MDN1: variants seen among roughly 807,000 people sequenced by gnomAD.
The protein encoded by MDN1 is midasin AAA ATPase 1, also known as midasin.
In MDN1, 266 loss-of-function variants were observed where a neutral mutation model predicts 669.2. That is an observed-to-expected ratio of 0.40 (90% CI 0.36 to 0.44). The LOEUF (loss-of-function observed/expected upper bound fraction) is 0.44, where lower values mean the gene tolerates loss of function less well. MDN1 is among the 20% of genes least tolerant of loss of function. The pLI, the probability that MDN1 is intolerant of heterozygous loss-of-function variation, is 1.00. For missense variants in MDN1, 5,940 were observed against 6,754.0 expected, an observed-to-expected ratio of 0.88 and a Z score of 4.22; for synonymous variants, 2,385 against 2,457.1, an observed-to-expected ratio of 0.97 and a Z score of 0.87.
rs1432761892 is a variant in MDN1, at chr6:89,738,468, C to T, written c.4594-13G>A. 5.0e-6 allele frequency: 8 copies of T among 1,611,868 alleles called. No individual in the cohort carries two copies. The highest frequency in any genetic ancestry group is 2.2e-5 in the East Asian group (1 of 44,820). On this transcript the variant is annotated splice_polypyrimidine_tract_variant and intron_variant, in intron 32 of 101. Transcript: ENST00000369393. ...AGGCAGGAGACAGCTATAAGAAACA[C>T]AAAACTTCAATGTGAATTTTTAAAA...
intron 23 of MDN1, 74 bp from the exon 24 acceptor site, chr6:89,750,606 T>A: frequency 2.1e-6 from 3 of 1,409,894 alleles, no homozygotes; most frequent in Non-Finnish European, 2.9e-6. Context: ...AACTGAGTAT[T>A]GGTTTGTTTT....
chr6:89,734,230 A>G (rs981070376), intron 33 of MDN1, among the ~76,000 whole-genome samples: 3 of 152,134 alleles, frequency 2.0e-5, no homozygotes, highest in Admixed American at 2.0e-4. Context: ...GGTTGCAGTG[A>G]GCCAAGATGG....
In MDN1 at chr6:89,790,187, A is replaced by T. The variant is rs563556132; in HGVS notation, c.1070T>A (p.Val357Asp). 8 of 1,614,094 alleles carry T rather than the reference A, an allele frequency of 5.0e-6. No homozygotes were observed. In the South Asian group the frequency reaches 8.8e-5, roughly 18 times the overall value. The part of the protein sequence containing the change: ...GRTKPPQLLK[V>D]QLGDQTDSKM... ...ACTGTCAGTCTGATCTCCAAGCTGG[A>T]CTTTGAGAAGCTGAGGAGGCTTTGT... The change falls in exon 6 of 102, where the codon GTC (valine) becomes GAC (aspartate). Residue 357 changes from valine to aspartate, a missense_variant. Val to Asp is a radical substitution (Grantham distance 152, BLOSUM62 -3). Transcript: ENST00000369393.
Position 89,675,437 on chromosome 6 carries a change from C to T in MDN1, c.12761+27G>A, listed in dbSNP as rs1238056932. 5 of 1,591,706 alleles carry T rather than the reference C, an allele frequency of 3.1e-6. No homozygotes were observed. The African/African-American group carries it at 4.0e-5, about 13-fold the overall frequency. ...TGGATCTAATTCTTCCCAATTCATG[C>T]CACAAGCCCAACTCATCAGCTGATA... On this transcript the variant is annotated intron_variant, in intron 78 of 101. Transcript: ENST00000369393.
rs1258819018 is a variant in MDN1, at chr6:89,688,088, G to A, written c.11345C>T (p.Ala3782Val). 1 of 1,613,668 alleles carries A rather than the reference G, an allele frequency of 6.2e-7. No homozygotes were observed. Among genetic ancestry groups the A allele is most frequent in the Admixed American group, 1.7e-5 (1 of 60,020 alleles). ...GAGGTATTAGCTCACCTGTGCCTTTGCCAGAAGGATCTCTAAGCCATTCAG... is the reference window on the plus strand; with the variant it reads ...GAGGTATTAGCTCACCTGTGCCTTTACCAGAAGGATCTCTAAGCCATTCAG... ...KFLNGLEILLAKAQDWEENAS... is the reference protein window; with the variant it reads ...KFLNGLEILLVKAQDWEENAS... Residue 3782 changes from alanine to valine, a missense_variant, in exon 67 of 102, where the codon GCA (alanine) becomes GTA (valine). Ala to Val is a moderately conservative substitution (Grantham distance 64). Coordinates refer to ENST00000369393, the MANE Select transcript of MDN1 (RefSeq NM_014611.3).
At chr6:89,812,933 T>G (rs1339704270) in intron 1 of MDN1, among the ~76,000 whole-genome samples, 1 of 151,686 alleles carries the variant, frequency 6.6e-6, no homozygotes, top group Admixed American at 6.6e-5. Flanking sequence ...ACTCCCCATC[T>G]CTACAAAAAT....
intron 39 of MDN1, 50 bp downstream of exon 39, chr6:89,723,462 G>A: frequency 8.7e-7 from 1 of 1,145,686 alleles, no homozygotes; most frequent in Non-Finnish European, 1.2e-6. Flanking sequence ...AAAAATACTG[G>A]TTCAAATACA....
chr6:89,694,462 C>T (rs1453448288), intron 61 of MDN1, among the ~76,000 whole-genome samples: 1 of 152,230 alleles, frequency 6.6e-6, no homozygotes. Context: ...AAAATATGTA[C>T]TAACATACCA....
At position 89,718,593 on chromosome 6, in the gene MDN1, T is replaced by C. The variant is rs759710797; in HGVS notation, c.6356A>G (p.Glu2119Gly). 6.2e-7 allele frequency: 1 copy of C among 1,614,098 alleles called. No homozygotes were observed. The highest frequency in any genetic ancestry group is 1.7e-5 in the Admixed American group (1 of 60,010). The change falls in exon 43 of 102, where the codon GAG becomes GGG. Residue 2119 changes from glutamate to glycine, a missense_variant. This residue lies in a region of MDN1 where 2,292 missense variants were observed against 2,638.3 expected (regional missense o/e 0.87). Transcript: ENST00000369393. ...TGCCCTTACAGTTCCCTCCACCTTC[T>C]CTAGCAGCCTCCTCCAAGGTCGTAT... ...DLIRPWRRLL[E>G]KVEGTVRALL... is the part of the protein sequence containing the mutation.
chr6:89,727,301 C>T (rs1165897222), intron 37 of MDN1, among the ~76,000 whole-genome samples: 1 of 152,166 alleles, frequency 6.6e-6, no homozygotes, highest in Non-Finnish European at 1.5e-5. Context: ...CTAGCCTTTT[C>T]CTGAATATTG....
At chr6:89,665,588 T>C (rs182418791) in intron 84 of MDN1, among the ~76,000 whole-genome samples, 2 of 151,326 alleles carry the variant, frequency 1.3e-5, no homozygotes, top group African/African-American at 4.9e-5. Flanking sequence ...GGGCCTGTAA[T>C]CCCAGCTACT....
chr6:89,671,108 G>C (rs372404797), intron 82 of MDN1, 28 bp from the exon 83 acceptor site: 1 of 1,604,964 alleles, frequency 6.2e-7, no homozygotes, highest in Non-Finnish European at 8.5e-7. Context: ...CAAAAGGCCT[G>C]CTCACACTGC....
rs144345036 is a variant in MDN1 at position 89,671,153 on chromosome 6, T to G, written c.13795-73A>C. On this transcript the variant is annotated intron_variant, in intron 82 of 101. Coordinates refer to ENST00000369393, the MANE Select transcript of MDN1 (RefSeq NM_014611.3). ...ACCAGGTTTCCATTCTGGAACTAGATAGTGGTGGTAATTGCACAACATTGT... is the reference window on the plus strand; with the variant it reads ...ACCAGGTTTCCATTCTGGAACTAGAGAGTGGTGGTAATTGCACAACATTGT... 8.9e-3 allele frequency: 13,257 copies of G among 1,490,134 alleles called. 70 individuals are homozygous for G. The highest frequency in any genetic ancestry group is 0.011 in the Middle Eastern group (46 of 4,244). 92.3% of individuals were successfully genotyped at this position (1,490,134 alleles called of 1,614,324 possible). A position where few individuals can be genotyped will look rare whatever the true frequency, so the allele number is the denominator to read the frequency against.
chr6:89,666,465 A>C (rs573199287), intron 84 of MDN1, among the ~76,000 whole-genome samples: 1 of 152,160 alleles, frequency 6.6e-6, no homozygotes, highest in Non-Finnish European at 1.5e-5. Context: ...GAGTTTTACC[A>C]TGTTGGCCAG....
At chr6:89,756,612 T>C (rs1471252273) in intron 19 of MDN1, among the ~76,000 whole-genome samples, 1 of 152,214 alleles carries the variant, frequency 6.6e-6, no homozygotes, top group Non-Finnish European at 1.5e-5. Flanking sequence ...CTTCTACGTA[T>C]AGTCCTTACA....
chr6:89,774,661 G>A lies in MDN1; in HGVS notation c.1894C>T (p.Arg632Trp), dbSNP rs761685478. ...NELDLQVGRV[R>W]LLRKQSEAVH... ...GCCTCACTTTGTTTCCGTAGAAGCC[G>A]CACTCGACCCACTTGCAAATCTAGC... The change falls in exon 13 of 102, where the codon CGG (arginine) becomes TGG (tryptophan). Residue 632 changes from arginine (R) to tryptophan (W), a missense_variant. Transcript: ENST00000369393. 2.0e-5 allele frequency: 32 copies of A among 1,613,502 alleles called. No individual in the cohort carries two copies. Among genetic ancestry groups the A allele is most frequent in the Non-Finnish European group, 2.5e-5 (30 of 1,179,578 alleles).
intron 97 of MDN1, among the ~76,000 whole-genome samples, chr6:89,649,347 G>A (rs923724409): frequency 6.6e-6 from 1 of 152,118 alleles, no homozygotes; most frequent in Non-Finnish European, 1.5e-5. Flanking sequence ...GAAATAAGTT[G>A]CCCAAAGTCA....
chr6:89,690,644 C>T (rs1445965052), intron 64 of MDN1, 29 bp downstream of exon 64: 8 of 1,612,612 alleles, frequency 5.0e-6, no homozygotes, highest in Non-Finnish European at 5.9e-6. Flanking sequence ...GAATTCATTC[C>T]AAAACACACC....
At position 89,672,954 on chromosome 6, in the gene MDN1, C is replaced by T. The variant is rs528881395; in HGVS notation, c.13475-252G>A. ...TTAAGACAGTATGAATAAACACTAA[C>T]TTAGTCCAAATATCAGTGCCAAGCT... On this transcript the variant is annotated intron_variant, in intron 80 of 101. Coordinates refer to ENST00000369393, the MANE Select transcript of MDN1 (RefSeq NM_014611.3). Among the ~76,000 whole-genome samples the T allele has an allele frequency of 7.5e-4, 114 of 152,258 alleles. 1 individual carries two copies. Among genetic ancestry groups the T allele is most frequent in the African/African-American group, 2.7e-3 (111 of 41,536 alleles).
Sources: gnomAD v4.1 joint callset for allele counts (sites outside exome capture counted in the v4.1 genomes callset) on GRCh38, gnomAD v4.1.1 for gene constraint, gnomAD v4.1.1 regional missense constraint, MANE v1.5 for transcripts, NCBI Gene and HGNC (gene_info 2026-07-23, HGNC 2026-07-21) for gene names.